The following TMOD1 variants were observed in gnomAD, a reference collection of about 807,000 sequenced individuals.
The protein encoded by TMOD1 is tropomodulin 1.
TMOD1 carries 17 observed loss-of-function variants against 40.6 expected under a neutral mutation model. That is an observed-to-expected ratio of 0.42 (90% CI 0.29 to 0.63). The LOEUF (loss-of-function observed/expected upper bound fraction) is 0.63, where lower values mean the gene tolerates loss of function less well. Ranked by LOEUF, TMOD1 falls within the 20% of genes least tolerant of loss-of-function variation. The pLI, the probability that TMOD1 is intolerant of heterozygous loss-of-function variation, is 0.22. For synonymous variants in TMOD1, 181 were observed against 175.0 expected (o/e 1.03, Z -0.27); for missense variants, 391 against 447.6 (o/e 0.87, Z 1.14).
intron 9 of TMOD1, among the ~76,000 whole-genome samples, chr9:97,598,773 A>G (rs1304117451): frequency 6.6e-6 from 1 of 152,180 alleles, no homozygotes; most frequent in Non-Finnish European, 1.5e-5. Context: ...CTACCGCCTC[A>G]GCTTGGGAAC....
At chr9:97,551,763 A>T (rs562622042) in intron 3 of TMOD1, among the ~76,000 whole-genome samples, 1 of 152,324 alleles carries the variant, frequency 6.6e-6, no homozygotes, top group Non-Finnish European at 1.5e-5. Flanking sequence ...TTGGATCTGT[A>T]GATTGCTTTT....
At chr9:97,542,498 T>G (rs1830288528) in intron 2 of TMOD1, among the ~76,000 whole-genome samples, 1 of 152,220 alleles carries the variant, frequency 6.6e-6, no homozygotes, top group South Asian at 2.1e-4. Flanking sequence ...TAACATGTTA[T>G]AATTATATGG....
At chr9:97,549,428 T>C (rs1830415102) in intron 3 of TMOD1, among the ~76,000 whole-genome samples, 1 of 152,168 alleles carries the variant, frequency 6.6e-6, no homozygotes, top group Admixed American at 6.5e-5. Context: ...GAGGAACCTG[T>C]TATGGGGTAT....
At chr9:97,520,897 C>T (rs529748456) in intron 1 of TMOD1, among the ~76,000 whole-genome samples, 1 of 152,314 alleles carries the variant, frequency 6.6e-6, no homozygotes, top group South Asian at 2.1e-4. Context: ...TTTCCCCAAG[C>T]TGGCTTTGAT....
chr9:97,585,261 T>G (rs1411179885), intron 8 of TMOD1, among the ~76,000 whole-genome samples: 2 of 151,198 alleles, frequency 1.3e-5, no homozygotes, highest in Non-Finnish European at 3.0e-5. Context: ...CCTTCACTTA[T>G]GAAGCTTAGT....
At chr9:97,569,424 A>G (rs111662234) in intron 8 of TMOD1, among the ~76,000 whole-genome samples, 6 of 152,292 alleles carry the variant, frequency 3.9e-5, no homozygotes, top group African/African-American at 1.4e-4. Flanking sequence ...GATCTCATGG[A>G]CCACTAAGCT....
rs139572607 is a variant in TMOD1, at chr9:97,513,387, A to G, written c.-48-10754A>G. Among the ~76,000 whole-genome samples the G allele has an allele frequency of 6.6e-6, 1 of 152,200 alleles. No homozygotes were observed. Among genetic ancestry groups the G allele is most frequent in the Non-Finnish European group, 1.5e-5 (1 of 68,024 alleles). On this transcript the variant is annotated intron_variant, in intron 1 of 9. Coordinates refer to ENST00000259365, the MANE Select transcript of TMOD1 (RefSeq NM_003275.4). The surrounding 1 kb of genome is among the most constrained non-coding windows in gnomAD (Gnocchi z 4.1). ...TATGCCTGAGGCTGCCCAGTCAGCT[A>G]GAGCCAGGGGTAGGGATTTCAGCCC...
intron 1 of TMOD1, among the ~76,000 whole-genome samples, chr9:97,521,257 C>A (rs759258323): frequency 7.9e-5 from 12 of 152,180 alleles, no homozygotes; most frequent in Non-Finnish European, 1.8e-4. Context: ...TGCTTGCAAC[C>A]TATTCCTCTT....
rs1265327535 is a variant in TMOD1 at position 97,600,455 on chromosome 9, T to C, written c.*757T>C. 2 of 985,646 alleles carry C rather than the reference T, an allele frequency of 2.0e-6. No individual in the cohort carries two copies. Among genetic ancestry groups the C allele is most frequent in the South Asian group, 4.7e-5 (1 of 21,298 alleles). The allele number at this position is 985,646 out of a possible 1,614,324, so 61.1% of individuals were successfully genotyped here. A position where few individuals can be genotyped will look rare whatever the true frequency, so the allele number is the denominator to read the frequency against. ...CAATTTAATACTGGAGTTAGAACTT[T>C]TTCCTTATTGAATGCCAACCTTATG... On this transcript the variant is annotated 3_prime_UTR_variant, in exon 10 of 10. Coordinates refer to ENST00000259365, the MANE Select transcript of TMOD1 (RefSeq NM_003275.4).
chr9:97,529,714 A>G (rs2131227840), intron 2 of TMOD1, among the ~76,000 whole-genome samples: 1 of 152,310 alleles, frequency 6.6e-6, no homozygotes, highest in East Asian at 1.9e-4. Context: ...AGTTAAGTGG[A>G]TGCTGCTCTG....
At chr9:97,520,560 A>T (rs953566334) in intron 1 of TMOD1, among the ~76,000 whole-genome samples, 3 of 152,262 alleles carry the variant, frequency 2.0e-5, no homozygotes, top group Non-Finnish European at 2.9e-5. Context: ...TGACAGCTTC[A>T]TAGTTTACCT....
chr9:97,592,126 GT>G (rs1316500847), intron 9 of TMOD1, among the ~76,000 whole-genome samples: 1 of 152,090 alleles, frequency 6.6e-6, no homozygotes, highest in African/African-American at 2.4e-5. Flanking sequence ...ACTGAATGAA[GT>G]TTGAGCAATC....
chr9:97,550,667 C>T lies in TMOD1; in HGVS notation c.278-2614C>T, dbSNP rs568843373. Among the ~76,000 whole-genome samples the T allele has an allele frequency of 2.6e-5, 4 of 152,216 alleles. No individual in the cohort carries two copies. In the South Asian group the frequency reaches 8.3e-4, roughly 32 times the overall value. On this transcript the variant is annotated intron_variant, in intron 3 of 9. Coordinates refer to ENST00000259365, the MANE Select transcript of TMOD1 (RefSeq NM_003275.4). Reference sequence around the variant, plus strand: ...ATGTGCTTGTTGGCCATATGTATATCCTCTTTGGAGAAATGTTTATTCAAG... The same window carrying T: ...ATGTGCTTGTTGGCCATATGTATATTCTCTTTGGAGAAATGTTTATTCAAG...
chr9:97,528,595 T>C, intron 2 of TMOD1, among the ~76,000 whole-genome samples: 1 of 152,214 alleles, frequency 6.6e-6, no homozygotes, highest in East Asian at 1.9e-4. Context: ...TCCCTTCTTT[T>C]GGAGAGCACA....
At chr9:97,595,761 A>C (rs990051459) in intron 9 of TMOD1, among the ~76,000 whole-genome samples, 11 of 152,048 alleles carry the variant, frequency 7.2e-5, no homozygotes, top group African/African-American at 2.7e-4. Context: ...CAGTTTCATC[A>C]TAGTCCCCCA....
intron 8 of TMOD1, among the ~76,000 whole-genome samples, chr9:97,581,826 A>G (rs1284096430): frequency 2.0e-5 from 3 of 151,486 alleles, no homozygotes; most frequent in Non-Finnish European, 1.5e-5. Flanking sequence ...TCCTTCGCCC[A>G]CTTTTTGATG....
At chr9:97,549,893 G>A (rs1414111990) in intron 3 of TMOD1, among the ~76,000 whole-genome samples, 1 of 152,048 alleles carries the variant, frequency 6.6e-6, no homozygotes, top group Non-Finnish European at 1.5e-5. Flanking sequence ...GAGCTGTGTA[G>A]GTTTTTGTAA....
chr9:97,554,801 T>A (rs1830510502), intron 4 of TMOD1, among the ~76,000 whole-genome samples: 1 of 151,788 alleles, frequency 6.6e-6, no homozygotes, highest in African/African-American at 2.4e-5. Context: ...CTGCGACTTG[T>A]GAGTAGTGTT....
At chr9:97,551,385 G>A (rs118035925) in intron 3 of TMOD1, among the ~76,000 whole-genome samples, 2,057 of 152,160 alleles carry the variant, frequency 0.014, 101 homozygotes, top group East Asian at 0.12. Context: ...TTTACATATG[G>A]TGTGAAATAG....
Sources: gnomAD v4.1 joint callset for allele counts (sites outside exome capture counted in the v4.1 genomes callset) on GRCh38, gnomAD v4.1.1 for gene constraint, Gnocchi (gnomAD v3.1) non-coding constraint, MANE v1.5 for transcripts, NCBI Gene and HGNC (gene_info 2026-07-23, HGNC 2026-07-21) for gene names.